Variants in ANXA2 observed in about 807,000 individuals in gnomAD.
The protein encoded by ANXA2 is annexin A2.
A neutral mutation model predicts 47.3 loss-of-function variants in ANXA2; 28 were observed. The ratio of observed to expected loss-of-function variants is 0.59; its 90% CI spans 0.44 to 0.81. The LOEUF (loss-of-function observed/expected upper bound fraction) is 0.81, where lower values mean the gene tolerates loss of function less well. Ranked by LOEUF, ANXA2 falls within the 40% of genes least tolerant of loss-of-function variation. ANXA2 has a pLI of 0.00. For missense variants in ANXA2, 384 were observed against 414.3 expected, an observed-to-expected ratio of 0.93 and a Z score of 0.64; for synonymous variants, 172 against 155.5, an observed-to-expected ratio of 1.11 and a Z score of -0.79.
chr15:60,397,892 AC>A, intron 1 of ANXA2, 50 bp downstream of exon 1: 1 of 1,353,530 alleles, frequency 7.4e-7, no homozygotes, highest in Middle Eastern at 2.0e-4. Context: ...GCGTCTCCAC[AC>A]CCCGCTAGCT....
intron 3 of ANXA2, among the ~76,000 whole-genome samples, chr15:60,378,494 G>C (rs1480081800): frequency 6.6e-6 from 1 of 152,154 alleles, no homozygotes; most frequent in Non-Finnish European, 1.5e-5. Context: ...GATTTATCTG[G>C]TCTTTCACTA....
At chr15:60,359,420 C>T (rs2062479293) in intron 5 of ANXA2, among the ~76,000 whole-genome samples, 1 of 152,252 alleles carries the variant, frequency 6.6e-6, no homozygotes, top group Middle Eastern at 3.4e-3. Flanking sequence ...TCCACAGACT[C>T]GGTTTTCAGG....
intron 5 of ANXA2, 47 bp from the exon 6 acceptor site, chr15:60,357,283 C>T: frequency 1.3e-6 from 2 of 1,483,366 alleles, no homozygotes; most frequent in Non-Finnish European, 1.9e-6. Context: ...GCTTCCCCAC[C>T]ATTAGCCTAC....
In ANXA2 at chr15:60,358,698, G is replaced by C. The variant is rs184358783; in HGVS notation, c.358-1462C>G. Among the ~76,000 whole-genome samples the C allele has an allele frequency of 3.3e-5, 5 of 152,252 alleles. 1 individual carries two copies. In the East Asian group the frequency reaches 9.6e-4, roughly 29 times the overall value. The stretch of plus-strand genomic sequence containing the variant: ...AAAATTCTCCCCTTGTTAGCAAAAG[G>C]TCCATACAGCATTCTACACAAATGT... On this transcript the variant is annotated intron_variant, in intron 5 of 12. Coordinates refer to ENST00000451270, the MANE Select transcript of ANXA2 (RefSeq NM_004039.3).
chr15:60,390,664 C>A, intron 1 of ANXA2: 1 of 256,488 alleles, frequency 3.9e-6, no homozygotes, highest in Non-Finnish European at 7.8e-6. Flanking sequence ...AAAGAAAGGG[C>A]CAAGTGATCC....
chr15:60,380,175 G>A (rs1475232056), intron 3 of ANXA2, among the ~76,000 whole-genome samples: 1 of 152,108 alleles, frequency 6.6e-6, no homozygotes, highest in African/African-American at 2.4e-5. Flanking sequence ...TGTGTTTTAA[G>A]GTAACATATT....
At position 60,369,626 on chromosome 15, in the gene ANXA2, A is replaced by C. The variant is rs1016514308; in HGVS notation, c.149-5103T>G. Among the ~76,000 whole-genome samples the C allele has an allele frequency of 2.6e-5, 4 of 152,240 alleles. No homozygotes were observed. The East Asian group carries it at 7.7e-4, about 29-fold the overall frequency. On this transcript the variant is annotated intron_variant, in intron 3 of 12. Coordinates refer to ENST00000451270, the MANE Select transcript of ANXA2 (RefSeq NM_004039.3). The stretch of plus-strand genomic sequence containing the variant: ...TTAAAATCACGTGAAGCACTTATTA[A>C]AAACACAGTCCCTTAGGCTGCACCT...
At chr15:60,382,251 G>T in intron 3 of ANXA2, 91 bp downstream of exon 3, 1 of 951,840 alleles carries the variant, frequency 1.1e-6, no homozygotes, top group Non-Finnish European at 1.7e-6. Flanking sequence ...ATTTCAAATC[G>T]CCAACGTATG....
intron 3 of ANXA2, among the ~76,000 whole-genome samples, chr15:60,365,843 C>CGT (rs2062587856): frequency 1.3e-5 from 1 of 77,426 alleles, no homozygotes; most frequent in Non-Finnish European, 2.6e-5. Flanking sequence ...TCTCCCTCTC[C>CGT]CTCTCCCCCT....
rs1232723075 is a variant in ANXA2 at position 60,360,992 on chromosome 15, T to C, written c.306A>G (p.Leu102=). The C allele has an allele frequency of 3.1e-6, 5 of 1,614,066 alleles. No homozygotes were observed. Among genetic ancestry groups the C allele is most frequent in the East Asian group, 2.2e-5 (1 of 44,880 alleles). Residue 102 remains leucine (L), a synonymous_variant, in exon 5 of 13, where the codon CTA becomes CTG. Transcript: ENST00000451270. ...SGHLETVILG[L]LKTPAQYDAS... ...CGTCATACTGAGCAGGTGTCTTCAA[T>C]AGGCCCAAAATCACCGTCTCCAGGT...
Position 60,352,460 on chromosome 15 carries a change from C to G in ANXA2, c.605G>C (p.Gly202Ala). The G allele has an allele frequency of 6.2e-7, 1 of 1,613,444 alleles. No individual in the cohort carries two copies. The highest frequency in any genetic ancestry group is 1.1e-5 in the South Asian group (1 of 91,022). ...DQDARDLYDA[G>A]VKRKGTDVPK... is the part of the protein sequence containing the mutation. ...AACATCAGTTCCTTTCCTCTTCACTCCAGCGTCATAGAGATCCTACGAGTA... is the reference window on the plus strand; with the variant it reads ...AACATCAGTTCCTTTCCTCTTCACTGCAGCGTCATAGAGATCCTACGAGTA... The change falls in exon 9 of 13, where the codon GGA (glycine) becomes GCA (alanine). Residue 202 changes from glycine (G) to alanine (A), a missense_variant. Transcript: ENST00000451270. The surrounding 1 kb of genome is among the most constrained non-coding windows in gnomAD (Gnocchi z 4.2).
intron 3 of ANXA2, among the ~76,000 whole-genome samples, chr15:60,373,086 G>A (rs1266624062): frequency 6.6e-6 from 1 of 152,114 alleles, no homozygotes; most frequent in Non-Finnish European, 1.5e-5. Flanking sequence ...AGTCAAGTTT[G>A]TACCTTTTTA....
intron 4 of ANXA2, 126 bp from the exon 5 acceptor site, chr15:60,361,180 G>A: frequency 1.5e-6 from 1 of 688,782 alleles, no homozygotes; most frequent in Non-Finnish European, 2.7e-6. Flanking sequence ...GGAGTCTTGG[G>A]TCAAACGCCC....
In ANXA2 at chr15:60,353,114, A is replaced by G. The variant is rs111992968; in HGVS notation, c.589-638T>C. On this transcript the variant is annotated intron_variant, in intron 8 of 12. Coordinates refer to ENST00000451270, the MANE Select transcript of ANXA2 (RefSeq NM_004039.3). ...TTAAAACCCTTCTCTACTACCTGCT[A>G]GAAGTGCCGTGTGGAATATATTGAA... Among the ~76,000 whole-genome samples, 748 of 152,370 alleles carry G rather than the reference A, an allele frequency of 4.9e-3. 3 individuals carry two copies. Among genetic ancestry groups the G allele is most frequent in the African/African-American group, 0.017 (712 of 41,590 alleles).
chr15:60,385,954 A>T, intron 2 of ANXA2, 74 bp downstream of exon 2: 1 of 969,738 alleles, frequency 1.0e-6, no homozygotes, highest in Non-Finnish European at 1.6e-6. Flanking sequence ...ATGTACAAGG[A>T]TAGAGAGTAA....
chr15:60,397,785 G>C, intron 1 of ANXA2, 158 bp downstream of exon 1: 10 of 1,134,578 alleles, frequency 8.8e-6, no homozygotes, highest in Non-Finnish European at 1.1e-5. Context: ...CCTCCCCAAA[G>C]ACTCTCCAGT....
At chr15:60,370,442 T>G (rs1282731504) in intron 3 of ANXA2, among the ~76,000 whole-genome samples, 1 of 152,228 alleles carries the variant, frequency 6.6e-6, no homozygotes, top group African/African-American at 2.4e-5. Context: ...TAATACCAAA[T>G]ACATGCATCT....
chr15:60,378,236 T>C (rs1342645874), intron 3 of ANXA2, among the ~76,000 whole-genome samples: 2 of 152,230 alleles, frequency 1.3e-5, no homozygotes, highest in African/African-American at 4.8e-5. Context: ...TGGTGATGAC[T>C]GCACAACTCT....
At chr15:60,360,813 T>C in intron 5 of ANXA2, 128 bp downstream of exon 5, 2 of 658,812 alleles carry the variant, frequency 3.0e-6, no homozygotes, top group South Asian at 3.7e-5. Flanking sequence ...ATAACTTCAG[T>C]TCATTTTTAA....
Sources: allele counts gnomAD v4.1 joint callset (sites outside exome capture counted in the v4.1 genomes callset), GRCh38; gene constraint gnomAD v4.1.1; non-coding constraint Gnocchi (gnomAD v3.1); transcripts MANE v1.5; gene names NCBI Gene and HGNC (gene_info 2026-07-23, HGNC 2026-07-21).